Variants in NOTCH4 observed in about 807,000 individuals in gnomAD.
NOTCH4 encodes neurogenic locus notch homolog protein 4.
A neutral mutation model predicts 189.0 loss-of-function variants in NOTCH4; 138 were observed. The ratio of observed to expected loss-of-function variants is 0.73; its 90% CI spans 0.64 to 0.84. The LOEUF is 0.84. Among genes scored for constraint, NOTCH4 ranks in the 40% least tolerant of loss-of-function variants. The probability of loss-of-function intolerance (pLI) is 0.00; values close to 1 mark genes in which losing one functional copy is unlikely to be tolerated. For synonymous variants in NOTCH4, 942 were observed against 1,032.8 expected (o/e 0.91, Z 1.69); for missense variants, 2,286 against 2,605.4 (o/e 0.88, Z 2.67).
chr6:32,218,804 A>G lies in NOTCH4; in HGVS notation c.1511-696T>C, dbSNP rs553052812. Among the ~76,000 whole-genome samples, 23 of 152,252 alleles carry G rather than the reference A, an allele frequency of 1.5e-4. No homozygotes were observed. In the Middle Eastern group the frequency reaches 0.01, roughly 68 times the overall value. ...GGGTGCCGCTCAGTTTAGAAAGTCAATATGGGGTAGTGGTTATAATTGTTG... is the reference window on the plus strand; with the variant it reads ...GGGTGCCGCTCAGTTTAGAAAGTCAGTATGGGGTAGTGGTTATAATTGTTG... On this transcript the variant is annotated intron_variant, in intron 8 of 29. Transcript: ENST00000375023.
chr6:32,214,461 T>C (rs1789247386), intron 12 of NOTCH4, among the ~76,000 whole-genome samples: 1 of 102,460 alleles, frequency 9.8e-6, no homozygotes, highest in African/African-American at 4.5e-5. Flanking sequence ...ATATATCTAG[T>C]TGGAGATATA....
Position 32,199,893 on chromosome 6 carries a change from CA to C in NOTCH4, c.4316-749del, listed in dbSNP as rs67361270. On this transcript the variant is annotated intron_variant, in intron 23 of 29. Transcript: ENST00000375023. This position sits in a 1 kb window ranked among gnomAD's most constrained non-coding sequence, Gnocchi z 4.9. ...AAGACTGTCTCAGAAAACAAACACA[CA>C]AAAAAAGGCTGAGTATCCATAACCC... Among the ~76,000 whole-genome samples, 5,030 of 151,848 alleles carry C rather than the reference CA, an allele frequency of 0.033. 165 individuals carry two copies. Among genetic ancestry groups the C allele is most frequent in the South Asian group, 0.13 (630 of 4,806 alleles).
Position 32,219,641 on chromosome 6 carries a change from T to G in NOTCH4, c.1461A>C (p.Gly487=). The change falls in exon 8 of 30, where the codon GGA becomes GGC. Residue 487 remains glycine (G), a synonymous_variant. Transcript: ENST00000375023. The part of the protein sequence containing the change: ...NECLSQPCHP[G]STCLDLLATF... ...TGGCAAGTAGGTCCAGACAGGTGCT[T>G]CCTGGGTGGCAGGGCTGGGAGAGGC... 6.2e-7 allele frequency: 1 copy of G among 1,613,132 alleles called. No individual in the cohort carries two copies. The highest frequency in any genetic ancestry group is 1.1e-5 in the South Asian group (1 of 91,062).
chr6:32,216,155 T>A (rs1789394139), intron 11 of NOTCH4: 1 of 152,344 alleles, frequency 6.6e-6, no homozygotes, highest in Admixed American at 6.5e-5. Flanking sequence ...GCCTCTGGAG[T>A]AGCTGGGACT....
chr6:32,203,261 C>T (rs1200305403), intron 20 of NOTCH4: 1 of 153,274 alleles, frequency 6.5e-6, no homozygotes, highest in South Asian at 2.1e-4. Context: ...TCCTCTTCCT[C>T]TGGAGAGGGA....
At chr6:32,222,428 A>AG in intron 3 of NOTCH4, 83 bp downstream of exon 3, 1 of 1,259,710 alleles carries the variant, frequency 7.9e-7, no homozygotes, top group Non-Finnish European at 1.0e-6. Flanking sequence ...GCAGTTTCTC[A>AG]GGCTCCAGTT....
chr6:32,195,839 A>G lies in NOTCH4; in HGVS notation c.5610T>C (p.Pro1870=). The change falls in exon 30 of 30, where the codon CCT becomes CCC. Residue 1870 remains proline (P), a synonymous_variant. Transcript: ENST00000375023. The surrounding 1 kb of genome is among the most constrained non-coding windows in gnomAD (Gnocchi z 5.4). ...RCRTLSAGAG[P]RGGGACLQAR... ...CCTGCAGACAAGCTCCGCCCCCACG[A>G]GGGCCTGCTCCGGCTGACAGCGTCC... is the stretch of plus-strand genomic sequence containing the variant. 2 of 1,598,056 alleles carry G rather than the reference A, an allele frequency of 1.3e-6. No homozygotes were observed. The highest frequency in any genetic ancestry group is 2.2e-5 in the East Asian group (1 of 44,776).
Position 32,198,914 on chromosome 6 carries a change from C to T in NOTCH4, c.4535+12G>A. 6.5e-7 allele frequency: 1 copy of T among 1,542,324 alleles called. No homozygotes were observed. The highest frequency in any genetic ancestry group is 2.3e-5 in the East Asian group (1 of 44,220). On this transcript the variant is annotated intron_variant, in intron 24 of 29. Coordinates refer to ENST00000375023, the MANE Select transcript of NOTCH4 (RefSeq NM_004557.4). This position sits in a 1 kb window ranked among gnomAD's most constrained non-coding sequence, Gnocchi z 5.5. ...CTCCCCTTCCTGAGCCTGGGTTTCT[C>T]CTCATTCTCACTTGAGACCAATGCT...
chr6:32,212,268 C>G lies in NOTCH4; in HGVS notation c.2680+206G>C, dbSNP rs148742787. Among the ~76,000 whole-genome samples, 1 of 152,042 alleles carries G rather than the reference C, an allele frequency of 6.6e-6. No homozygotes were observed. The highest frequency in any genetic ancestry group is 2.4e-5 in the African/African-American group (1 of 41,378). ...GGGCTGGTTGGTGTTGCTTGAATTGCGTTAAATGAGGTAACAGGAATTGTG... is the reference window on the plus strand; with the variant it reads ...GGGCTGGTTGGTGTTGCTTGAATTGGGTTAAATGAGGTAACAGGAATTGTG... On this transcript the variant is annotated intron_variant, in intron 17 of 29. Coordinates refer to ENST00000375023, the MANE Select transcript of NOTCH4 (RefSeq NM_004557.4). The surrounding 1 kb of genome is among the most constrained non-coding windows in gnomAD (Gnocchi z 4.4).
At position 32,198,673 on chromosome 6, in the gene NOTCH4, A is replaced by G. The variant is rs779085624; in HGVS notation, c.4593T>C (p.Pro1531=). ...CCTGGCCCACCTCCTCTCCCTCCTC[A>G]GGGCCTGAGCACATCACAACTCCAT... ...DEDGVVMCSG[P]EEGEEVGQAE... Residue 1531 remains proline (P), a synonymous_variant, in exon 25 of 30, where the codon CCT becomes CCC. Transcript: ENST00000375023. This position sits in a 1 kb window ranked among gnomAD's most constrained non-coding sequence, Gnocchi z 5.5. The G allele has an allele frequency of 1.6e-5, 25 of 1,612,548 alleles. No individual in the cohort carries two copies. In the African/African-American group the frequency reaches 2.5e-4, roughly 16 times the overall value.
At position 32,222,764 on chromosome 6, in the gene NOTCH4, G is replaced by T; in HGVS notation, c.198C>A (p.Asp66Glu). 3 of 1,612,070 alleles carry T rather than the reference G, an allele frequency of 1.9e-6. No individual in the cohort carries two copies. Among genetic ancestry groups the T allele is most frequent in the Non-Finnish European group, 2.5e-6 (3 of 1,179,252 alleles). ...GGCAGAGCTGGGCGTTCTGGCAGGG[G>T]TCAGGAAACTGGCACGTCTCACCCA... ...GFLGETCQFPDPCQNAQLCQN... is the reference protein window; with the variant it reads ...GFLGETCQFPEPCQNAQLCQN... Residue 66 changes from aspartate to glutamate, a missense_variant, in exon 3 of 30, where the codon GAC (aspartate) becomes GAA (glutamate). By Grantham distance (45) the Asp-to-Glu change is conservative. This residue lies in a region of NOTCH4 where 1,903 missense variants were observed against 2,261.9 expected (regional missense o/e 0.84). Transcript: ENST00000375023.
In NOTCH4 at chr6:32,204,254, G is replaced by A. The variant is rs1254660788; in HGVS notation, c.3001C>T (p.Leu1001=). The A allele has an allele frequency of 6.2e-7, 1 of 1,612,940 alleles. No homozygotes were observed. Among genetic ancestry groups the A allele is most frequent in the Non-Finnish European group, 8.5e-7 (1 of 1,180,042 alleles). ...TCGTCCACGTCTCCCTCACAGCGTA[G>A]CCCCACAAAGCCTGGAGGGCAGGCA... The part of the protein sequence containing the change: ...HCACPPGFVG[L]RCEGDVDECL... Residue 1001 remains leucine, a synonymous_variant, in exon 19 of 30, where the codon CTA becomes TTA. Transcript: ENST00000375023.
rs1217144772 is a variant in NOTCH4 at position 32,203,911 on chromosome 6, C to T, written c.3119-29G>A. 15 of 1,527,266 alleles carry T rather than the reference C, an allele frequency of 9.8e-6. No homozygotes were observed. In the Middle Eastern group the frequency reaches 1.9e-3, roughly 189 times the overall value. 94.6% of individuals were successfully genotyped at this position (1,527,266 alleles called of 1,614,324 possible). ...TAATTATGGGGGAGATTAGATGTCA[C>T]ACACTGCATCAGTCACTGCCTCCAT... is the stretch of plus-strand genomic sequence containing the variant. On this transcript the variant is annotated intron_variant, in intron 19 of 29. Coordinates refer to ENST00000375023, the MANE Select transcript of NOTCH4 (RefSeq NM_004557.4).
chr6:32,223,940 T>C lies in NOTCH4; in HGVS notation c.-12A>G. Reference sequence around the variant, plus strand: ...GAAGGGGGCTGCATTCCACAGCCCCTTCTCCAAGCCCCGGTCCCTGTCCCT... The same window carrying C: ...GAAGGGGGCTGCATTCCACAGCCCCCTCTCCAAGCCCCGGTCCCTGTCCCT... On this transcript the variant is annotated 5_prime_UTR_variant, in exon 1 of 30. Transcript: ENST00000375023. 1.3e-6 allele frequency: 2 copies of C among 1,593,586 alleles called. 1 individual carries two copies. Among genetic ancestry groups the C allele is most frequent in the South Asian group, 2.2e-5 (2 of 89,736 alleles).
At chr6:32,211,970 T>C (rs1021073163) in intron 17 of NOTCH4, among the ~76,000 whole-genome samples, 2 of 152,248 alleles carry the variant, frequency 1.3e-5, no homozygotes, top group African/African-American at 4.8e-5. Flanking sequence ...TCTGCATTCC[T>C]TTAATGTTCT....
At chr6:32,219,521 G>C in intron 8 of NOTCH4, 71 bp downstream of exon 8, 6 of 1,376,288 alleles carry the variant, frequency 4.4e-6, no homozygotes, top group Non-Finnish European at 6.0e-6. Context: ...CCTTACTCTG[G>C]AGGGGGCATT....
At chr6:32,218,148 G>A in intron 8 of NOTCH4, 40 bp from the exon 9 acceptor site, 2 of 1,028,278 alleles carry the variant, frequency 1.9e-6, no homozygotes, top group Non-Finnish European at 2.8e-6. Flanking sequence ...GCTCAGCCAG[G>A]TCTGCCTGGG....
rs35795312 is a variant in NOTCH4 at position 32,223,881 on chromosome 6, TAGCAGCAGCAGC to T, written c.36_47del (p.Leu13_Leu16del). ...CTCTGGGTCTGACCACTGAGACACA[TAGCAGCAGCAGC>T]AGCAGCAGCAGCAGCAGCAGTGAAG... On this transcript the variant is annotated inframe_deletion, in exon 1 of 30. Coordinates refer to ENST00000375023, the MANE Select transcript of NOTCH4 (RefSeq NM_004557.4). 0.096 allele frequency: 151,470 copies of T among 1,572,758 alleles called. 8,717 individuals carry two copies. The highest frequency in any genetic ancestry group is 0.16 in the East Asian group (6,681 of 43,058).
intron 18 of NOTCH4, among the ~76,000 whole-genome samples, chr6:32,206,195 A>G (rs1026737668): frequency 6.6e-6 from 1 of 152,152 alleles, no homozygotes; most frequent in Non-Finnish European, 1.5e-5. Flanking sequence ...ATTCAAGGTA[A>G]TACTGGAAGT....
Sources: allele counts gnomAD v4.1 joint callset (sites outside exome capture counted in the v4.1 genomes callset), GRCh38; gene constraint gnomAD v4.1.1; regional missense constraint gnomAD v4.1.1; non-coding constraint Gnocchi (gnomAD v3.1); transcripts MANE v1.5; gene names NCBI Gene and HGNC (gene_info 2026-07-23, HGNC 2026-07-21).